GPATCH8: variants seen among roughly 807,000 people sequenced by gnomAD.
The protein encoded by GPATCH8 is G-patch domain containing 8.
Under a neutral mutation model 118.3 loss-of-function variants are expected in GPATCH8, and 18 were observed. That is an observed-to-expected ratio of 0.15 (90% CI 0.11 to 0.23). The LOEUF (loss-of-function observed/expected upper bound fraction) is 0.23. Among genes scored for constraint, GPATCH8 ranks in the 10% least tolerant of loss-of-function variants. The pLI, the probability that GPATCH8 is intolerant of heterozygous loss-of-function variation, is 1.00. For synonymous variants in GPATCH8, 659 were observed against 684.7 expected (o/e 0.96, Z 0.59); for missense variants, 1,631 against 1,873.8 (o/e 0.87, Z 2.39).
At chr17:44,409,957 G>A (rs1050195602) in intron 6 of GPATCH8, among the ~76,000 whole-genome samples, 3 of 152,122 alleles carry the variant, frequency 2.0e-5, no homozygotes, top group Non-Finnish European at 4.4e-5. Flanking sequence ...CTATTTGTAG[G>A]AAAGGTTGAT....
rs1284103275 is a variant in GPATCH8, at chr17:44,395,753, C to T, written c.*1815G>A. 1 of 453,926 alleles carries T rather than the reference C, an allele frequency of 2.2e-6. No homozygotes were observed. Among genetic ancestry groups the T allele is most frequent in the Non-Finnish European group, 4.4e-6 (1 of 226,784 alleles). 28.1% of individuals were successfully genotyped at this position (453,926 alleles called of 1,614,324 possible). On this transcript the variant is annotated 3_prime_UTR_variant, in exon 8 of 8. Transcript: ENST00000591680. ...CGAAGGCAGGAACAGAGCCTTGGCCCAGGTAAGTATGGTTTTTCTTGTCAA... is the reference window on the plus strand; with the variant it reads ...CGAAGGCAGGAACAGAGCCTTGGCCTAGGTAAGTATGGTTTTTCTTGTCAA...
intron 1 of GPATCH8, chr17:44,486,234 C>T (rs982612094): frequency 1.5e-4 from 23 of 152,072 alleles, no homozygotes; most frequent in African/African-American, 5.3e-4. Flanking sequence ...TTGCCCATTC[C>T]CCTTTCTCCA....
At chr17:44,453,530 T>TGTGTGTGTGCGC (rs1052518435) in intron 3 of GPATCH8, among the ~76,000 whole-genome samples, 2 of 150,452 alleles carry the variant, frequency 1.3e-5, no homozygotes, top group African/African-American at 4.9e-5. Flanking sequence ...TGTGTGTGTG[T>TGTGTGTGTGCGC]GCAGGCGCGC....
chr17:44,461,425 CCTT>C (rs1053196003), intron 3 of GPATCH8, among the ~76,000 whole-genome samples: 1 of 151,850 alleles, frequency 6.6e-6, no homozygotes, highest in Non-Finnish European at 1.5e-5. Flanking sequence ...CTCAAGTAAT[CCTT>C]CTGCCTCAGC....
At chr17:44,436,874 A>C in intron 3 of GPATCH8, 1 of 308,238 alleles carries the variant, frequency 3.2e-6, no homozygotes, top group Non-Finnish European at 6.2e-6. Flanking sequence ...TAAGATCCCC[A>C]AATAACTTCC....
At position 44,399,138 on chromosome 17, in the gene GPATCH8, T is replaced by C; in HGVS notation, c.2939A>G (p.His980Arg). 1 of 1,608,836 alleles carries C rather than the reference T, an allele frequency of 6.2e-7. No homozygotes were observed. The highest frequency in any genetic ancestry group is 8.5e-7 in the Non-Finnish European group (1 of 1,175,534). Residue 980 changes from histidine to arginine, a missense_variant, in exon 8 of 8, where the codon CAC becomes CGC. His to Arg is a conservative substitution (Grantham distance 29). Coordinates refer to ENST00000591680, the MANE Select transcript of GPATCH8 (RefSeq NM_001002909.4). ...ATAGCTCCGGCTCCGTTGCCAGCTGTGGGCTGTGGTGCTACGGCTTCTCCG... is the reference window on the plus strand; with the variant it reads ...ATAGCTCCGGCTCCGTTGCCAGCTGCGGGCTGTGGTGCTACGGCTTCTCCG... ...SKRRSRSTTAHSWQRSRSYSR... is the reference protein window; with the variant it reads ...SKRRSRSTTARSWQRSRSYSR...
intron 1 of GPATCH8, among the ~76,000 whole-genome samples, chr17:44,475,538 C>A (rs1278719101): frequency 6.7e-6 from 1 of 150,248 alleles, no homozygotes; most frequent in Non-Finnish European, 1.5e-5. Flanking sequence ...ACTAAAAATA[C>A]AAAAAATTAG....
rs529039919 is a variant in GPATCH8, at chr17:44,397,296, G to C, written c.*272C>G. On this transcript the variant is annotated 3_prime_UTR_variant, in exon 8 of 8. Transcript: ENST00000591680. ...TTGACAGTTTGGAGATGTTGCTGCA[G>C]AGGGGTGGGTAGCACTTACTGGTGT... is the stretch of plus-strand genomic sequence containing the variant. 4 of 626,940 alleles carry C rather than the reference G, an allele frequency of 6.4e-6. No homozygotes were observed. Among genetic ancestry groups the C allele is most frequent in the South Asian group, 6.1e-5 (4 of 66,046 alleles). The allele number at this position is 626,940 out of a possible 1,614,324, so 38.8% of individuals were successfully genotyped here.
In GPATCH8 at chr17:44,435,779, T is replaced by C. The variant is rs560443753; in HGVS notation, c.262-628A>G. Among the ~76,000 whole-genome samples the C allele has an allele frequency of 4.9e-5, 7 of 142,604 alleles. No homozygotes were observed. In the South Asian group the frequency reaches 1.5e-3, roughly 30 times the overall value. 93.6% of individuals were successfully genotyped at this position (142,604 alleles called of 152,430 possible). On this transcript the variant is annotated intron_variant, in intron 4 of 7. Transcript: ENST00000591680. ...GCTCACACCTGTAATCCCAGCACTGTGGGAGGCCGAGGCGGGCGGGTCACC... is the reference window on the plus strand; with the variant it reads ...GCTCACACCTGTAATCCCAGCACTGCGGGAGGCCGAGGCGGGCGGGTCACC...
chr17:44,434,141 ATAATAT>A (rs1196962516), intron 5 of GPATCH8, among the ~76,000 whole-genome samples: 1 of 151,050 alleles, frequency 6.6e-6, no homozygotes, highest in African/African-American at 2.4e-5. Context: ...AAAAAAAATA[ATAATAT>A]TAATAATAAT....
chr17:44,441,998 A>G (rs1282710102), intron 3 of GPATCH8, among the ~76,000 whole-genome samples: 1 of 151,890 alleles, frequency 6.6e-6, no homozygotes, highest in African/African-American at 2.4e-5. Flanking sequence ...ATCGCACTCC[A>G]GACTGGGCAA....
intron 1 of GPATCH8, among the ~76,000 whole-genome samples, chr17:44,496,397 A>T (rs1969672373): frequency 6.6e-6 from 1 of 152,228 alleles, no homozygotes; most frequent in African/African-American, 2.4e-5. Context: ...AAACCTGTAA[A>T]GCTATTTTGT....
At chr17:44,474,947 G>T in intron 1 of GPATCH8, 44 bp from the exon 2 acceptor site, 3 of 935,276 alleles carry the variant, frequency 3.2e-6, no homozygotes, top group Non-Finnish European at 5.3e-6. Context: ...GCAGTTAAGT[G>T]TCAAATCTAT....
intron 3 of GPATCH8, 21 bp from the exon 4 acceptor site, chr17:44,436,566 C>A: frequency 8.0e-7 from 1 of 1,257,688 alleles, no homozygotes; most frequent in Non-Finnish European, 1.2e-6. Flanking sequence ...AACACATAAT[C>A]AAGGTAAGGT....
chr17:44,445,751 C>T (rs1050157341), intron 3 of GPATCH8: 1 of 152,142 alleles, frequency 6.6e-6, no homozygotes, highest in Non-Finnish European at 1.5e-5. Context: ...GGTGATCCAC[C>T]CACCTCATAC....
chr17:44,498,255 T>C (rs551320240), intron 1 of GPATCH8, among the ~76,000 whole-genome samples: 10 of 152,314 alleles, frequency 6.6e-5, no homozygotes, highest in African/African-American at 1.9e-4. Flanking sequence ...TTGACTGTAT[T>C]GTAAGAGCCC....
intron 6 of GPATCH8, among the ~76,000 whole-genome samples, chr17:44,414,952 G>C (rs1182205730): frequency 6.6e-6 from 1 of 152,164 alleles, no homozygotes; most frequent in African/African-American, 2.4e-5. Flanking sequence ...TTGTACAGAT[G>C]TACCACATTT....
chr17:44,502,158 T>G (rs999392253), intron 1 of GPATCH8, among the ~76,000 whole-genome samples: 3 of 152,174 alleles, frequency 2.0e-5, no homozygotes, highest in African/African-American at 7.2e-5. Context: ...AGTGCTGAGT[T>G]AAAATTGTTA....
chr17:44,408,345 C>T (rs7359702), intron 6 of GPATCH8, among the ~76,000 whole-genome samples: 7,473 of 152,146 alleles, frequency 0.049, 234 homozygotes, highest in Middle Eastern at 0.071. Flanking sequence ...GTCACCACAC[C>T]CGGCTGATTT....
Sources: gnomAD v4.1 joint callset for allele counts (sites outside exome capture counted in the v4.1 genomes callset) on GRCh38, gnomAD v4.1.1 for gene constraint, MANE v1.5 for transcripts, NCBI Gene and HGNC (gene_info 2026-07-23, HGNC 2026-07-21) for gene names.